NDRG1: variants seen among roughly 807,000 people sequenced by gnomAD.
NDRG1 encodes the protein N-myc downstream regulated 1.
A neutral mutation model predicts 56.9 loss-of-function variants in NDRG1; 32 were observed. The observed-to-expected ratio is 0.56, with a 90% CI of 0.42 to 0.76. The LOEUF is 0.76. NDRG1 is among the 30% of genes least tolerant of loss of function. The probability of loss-of-function intolerance (pLI) is 0.00; values close to 1 mark genes in which losing one functional copy is unlikely to be tolerated. For synonymous variants in NDRG1, 211 were observed against 204.1 expected (o/e 1.03, Z -0.29); for missense variants, 507 against 545.7 (o/e 0.93, Z 0.71).
chr8:133,262,748 A>C (rs988382647), intron 4 of NDRG1, among the ~76,000 whole-genome samples: 1 of 152,244 alleles, frequency 6.6e-6, no homozygotes, highest in African/African-American at 2.4e-5. Flanking sequence ...TTGCAATGAG[A>C]GGCAGCCATG....
At chr8:133,242,098 T>G in intron 14 of NDRG1, 24 bp from the exon 15 acceptor site, 1 of 1,613,988 alleles carries the variant, frequency 6.2e-7, no homozygotes, top group Non-Finnish European at 8.5e-7. Flanking sequence ...GGAGAGAAAA[T>G]GCAGTCAGTT....
intron 10 of NDRG1, among the ~76,000 whole-genome samples, chr8:133,250,042 A>G (rs1448659762): frequency 1.3e-5 from 2 of 152,190 alleles, no homozygotes; most frequent in African/African-American, 4.8e-5. Flanking sequence ...TTGGAATGAC[A>G]AACTCCCAGA....
intron 15 of NDRG1, 158 bp from the exon 16 acceptor site, chr8:133,239,277 C>A: frequency 1.7e-6 from 2 of 1,173,256 alleles, no homozygotes; most frequent in Admixed American, 2.1e-5. Context: ...CTCTCCATGT[C>A]CACTCGGAGA....
rs115853608 is a variant in NDRG1 at position 133,257,065 on chromosome 8, G to A, written c.451-202C>T. Reference sequence around the variant, plus strand: ...CGGTATCGGGTCCTAGAGAGAGTGGGAAGGAGAAAGAGGAAGTGCAGGAGA... The same window carrying A: ...CGGTATCGGGTCCTAGAGAGAGTGGAAAGGAGAAAGAGGAAGTGCAGGAGA... On this transcript the variant is annotated intron_variant, in intron 7 of 15. Coordinates refer to ENST00000323851, the MANE Select transcript of NDRG1 (RefSeq NM_006096.4). 0.016 allele frequency among the ~76,000 whole-genome samples: 2,383 copies of A among 152,320 alleles called. 73 individuals carry two copies. The highest frequency in any genetic ancestry group is 0.054 in the African/African-American group (2,263 of 41,562).
In NDRG1 at chr8:133,238,853, C is replaced by CG. The variant is rs1564276867; in HGVS notation, c.*24dup. 9 of 1,544,750 alleles carry CG rather than the reference C, an allele frequency of 5.8e-6. No individual in the cohort carries two copies. Among genetic ancestry groups the CG allele is most frequent in the Non-Finnish European group, 7.8e-6 (9 of 1,147,658 alleles). On this transcript the variant is annotated 3_prime_UTR_variant, in exon 16 of 16. Coordinates refer to ENST00000323851, the MANE Select transcript of NDRG1 (RefSeq NM_006096.4). ...GGGGGCCACTACAGAGATCAGAGTC[C>CG]GGGGGCGGCAGCTGGGCAGGCCGCC...
intron 13 of NDRG1, chr8:133,244,804 G>A (rs1170340308): frequency 3.3e-6 from 1 of 300,704 alleles, no homozygotes; most frequent in East Asian, 7.5e-5. Flanking sequence ...TCCCTTGAAA[G>A]TTTCCCTCAA....
At chr8:133,269,922 AT>A (rs1857109389) in intron 3 of NDRG1, among the ~76,000 whole-genome samples, 6 of 152,214 alleles carry the variant, frequency 3.9e-5, no homozygotes, top group Admixed American at 3.9e-4. Flanking sequence ...AACTGCACGC[AT>A]GTGTGTCTTT....
intron 1 of NDRG1, among the ~76,000 whole-genome samples, chr8:133,292,252 C>T (rs963137536): frequency 3.9e-5 from 6 of 152,168 alleles, no homozygotes; most frequent in African/African-American, 1.4e-4. Flanking sequence ...AAATGGCTTC[C>T]TCATACAGAA....
intron 14 of NDRG1, among the ~76,000 whole-genome samples, chr8:133,242,436 CA>C (rs1855438091): frequency 6.6e-6 from 1 of 152,220 alleles, no homozygotes; most frequent in African/African-American, 2.4e-5. Context: ...ACTCCCAATG[CA>C]AGGGGCTTTG....
chr8:133,258,835 G>A (rs1856518982), intron 6 of NDRG1, among the ~76,000 whole-genome samples: 1 of 152,210 alleles, frequency 6.6e-6, no homozygotes, highest in Non-Finnish European at 1.5e-5. Context: ...GGTGTGGAGA[G>A]AAAAGCTAAG....
At chr8:133,253,606 T>A (rs570772578) in intron 9 of NDRG1, among the ~76,000 whole-genome samples, 1 of 152,214 alleles carries the variant, frequency 6.6e-6, no homozygotes, top group African/African-American at 2.4e-5. Context: ...AGCCCAGAAC[T>A]GGGAACAACT....
chr8:133,248,044 C>T, intron 11 of NDRG1, 118 bp from the exon 12 acceptor site: 1 of 945,122 alleles, frequency 1.1e-6, no homozygotes, highest in African/African-American at 1.6e-5. Flanking sequence ...GTTTCCCCAA[C>T]ACCCTTTGCT....
chr8:133,242,216 CAAAAGT>C, intron 14 of NDRG1, 142 bp from the exon 15 acceptor site: 1 of 825,702 alleles, frequency 1.2e-6, no homozygotes, highest in Admixed American at 2.0e-5. Flanking sequence ...GGACAAAACA[CAAAAGT>C]AAGAGTATGG....
At position 133,256,793 on chromosome 8, in the gene NDRG1, T is replaced by A. The variant is rs1002261727; in HGVS notation, c.521A>T (p.Asp174Val). 1 of 1,614,104 alleles carries A rather than the reference T, an allele frequency of 6.2e-7. No homozygotes were observed. Among genetic ancestry groups the A allele is most frequent in the Non-Finnish European group, 8.5e-7 (1 of 1,180,016 alleles). The part of the protein sequence containing the change: ...NVNPCAEGWM[D>V]WAASKISGWT... Reference sequence around the variant, plus strand: ...CCACCTCACCTTGGAGGCGGCCCAGTCCATCCAGCCTTCCGCACAAGGGTT... The same window carrying A: ...CCACCTCACCTTGGAGGCGGCCCAGACCATCCAGCCTTCCGCACAAGGGTT... Residue 174 changes from aspartate to valine, a missense_variant, in exon 8 of 16, where the codon GAC (aspartate) becomes GTC (valine). Transcript: ENST00000323851.
rs945932710 is a variant in NDRG1 at position 133,258,564 on chromosome 8, T to C, written c.390-138A>G. 1.2e-5 allele frequency: 10 copies of C among 819,484 alleles called. No homozygotes were observed. In the African/African-American group the frequency reaches 1.5e-4, roughly 13 times the overall value. 50.8% of individuals were successfully genotyped at this position (819,484 alleles called of 1,614,324 possible). On this transcript the variant is annotated intron_variant, in intron 6 of 15. Transcript: ENST00000323851. ...GCTGCCGTAACTGCCTGCACAGCTC[T>C]GAGGTCACCATGCTTTAGGACTGGA...
In NDRG1 at chr8:133,252,242, C is replaced by T. The variant is rs573634963; in HGVS notation, c.595-1699G>A. On this transcript the variant is annotated intron_variant, in intron 9 of 15. Coordinates refer to ENST00000323851, the MANE Select transcript of NDRG1 (RefSeq NM_006096.4). ...TCCCGAGTAGCTGGGATTACAGGCG[C>T]GTGCCACCACATCCGGTTAATTTTG... Among the ~76,000 whole-genome samples the T allele has an allele frequency of 2.5e-4, 38 of 152,244 alleles. 1 individual carries two copies. The South Asian group carries it at 6.0e-3, about 24-fold the overall frequency.
chr8:133,296,683 TCCCAGA>T, intron 1 of NDRG1: 1 of 370,942 alleles, frequency 2.7e-6, no homozygotes, highest in Non-Finnish European at 5.3e-6. Flanking sequence ...ATCTCTCCGT[TCCCAGA>T]CACAGACACA....
intron 8 of NDRG1, chr8:133,255,733 G>C (rs1030205688): frequency 5.6e-6 from 1 of 179,610 alleles, no homozygotes; most frequent in African/African-American, 2.4e-5. Context: ...GCAAGAGGCA[G>C]GGCCCCTTCA....
chr8:133,266,533 TTCCTACC>T (rs1481821278), intron 3 of NDRG1, among the ~76,000 whole-genome samples: 1 of 152,126 alleles, frequency 6.6e-6, no homozygotes, highest in Non-Finnish European at 1.5e-5. Context: ...AGCCTGGCCC[TTCCTACC>T]TCCTAGAGGT....
Sources: gnomAD v4.1 joint callset for allele counts (sites outside exome capture counted in the v4.1 genomes callset) on GRCh38, gnomAD v4.1.1 for gene constraint, MANE v1.5 for transcripts, NCBI Gene and HGNC (gene_info 2026-07-23, HGNC 2026-07-21) for gene names.